Variants in CBFB observed in about 807,000 individuals in gnomAD.
CBFB encodes core-binding factor subunit beta, also known as CBF-beta.
CBFB carries 9 observed loss-of-function variants against 30.4 expected under a neutral mutation model. That is an observed-to-expected ratio of 0.30 (90% CI 0.18 to 0.52). The LOEUF is 0.52. CBFB is among the 20% of genes least tolerant of loss of function. The pLI is 0.97. For missense variants in CBFB, 170 were observed against 244.0 expected (o/e 0.70, Z 2.02); for synonymous variants, 94 against 84.0 (o/e 1.12, Z -0.65).
intron 5 of CBFB, among the ~76,000 whole-genome samples, chr16:67,098,072 C>T (rs1011223661): frequency 5.9e-5 from 9 of 152,142 alleles, no homozygotes; most frequent in Non-Finnish European, 1.3e-4. Flanking sequence ...AAAGTTAAAT[C>T]CTCTTTTTCC....
intron 5 of CBFB, among the ~76,000 whole-genome samples, chr16:67,098,325 C>T (rs1332046920): frequency 1.3e-5 from 2 of 152,026 alleles, no homozygotes; most frequent in East Asian, 1.9e-4. Context: ...TTCATAGAGA[C>T]AGGGTTTCAC....
At chr16:67,098,114 TTTTG>T (rs369708538) in intron 5 of CBFB, among the ~76,000 whole-genome samples, 9,923 of 150,568 alleles carry the variant, frequency 0.066, 854 homozygotes, top group African/African-American at 0.2. Flanking sequence ...TTGTGGGGTT[TTTTG>T]TTTGTTTGTT....
At chr16:67,048,520 C>A (rs1966671006) in intron 3 of CBFB, among the ~76,000 whole-genome samples, 1 of 152,088 alleles carries the variant, frequency 6.6e-6, no homozygotes, top group Admixed American at 6.6e-5. Context: ...AAGTCAGCAT[C>A]TTAATTCACC....
chr16:67,048,119 G>C (rs1183095251), intron 3 of CBFB, among the ~76,000 whole-genome samples: 2 of 151,968 alleles, frequency 1.3e-5, no homozygotes, highest in African/African-American at 2.4e-5. Flanking sequence ...GCATGCCTCT[G>C]GTTCCAGCTA....
intron 3 of CBFB, among the ~76,000 whole-genome samples, chr16:67,060,997 GATA>G (rs1449834805): frequency 6.6e-6 from 1 of 152,182 alleles, no homozygotes. Context: ...TTGTATGGGT[GATA>G]CCACAGTTGA....
chr16:67,075,786 C>A (rs929533867), intron 4 of CBFB, among the ~76,000 whole-genome samples: 1 of 152,188 alleles, frequency 6.6e-6, no homozygotes, highest in Non-Finnish European at 1.5e-5. Flanking sequence ...ACAACTAACA[C>A]CAATATGTGT....
At chr16:67,096,035 A>G (rs1201511928) in intron 5 of CBFB, among the ~76,000 whole-genome samples, 1 of 150,048 alleles carries the variant, frequency 6.7e-6, no homozygotes, top group Non-Finnish European at 1.5e-5. Context: ...TCAGCTGGGC[A>G]TGGTGGCTCA....
intron 5 of CBFB, among the ~76,000 whole-genome samples, chr16:67,097,975 A>G (rs941994761): frequency 6.6e-6 from 1 of 152,238 alleles, no homozygotes; most frequent in African/African-American, 2.4e-5. Flanking sequence ...AGTACTTACA[A>G]CAGTGCCCGC....
intron 3 of CBFB, among the ~76,000 whole-genome samples, chr16:67,042,787 G>A (rs376659435): frequency 6.6e-6 from 1 of 152,100 alleles, no homozygotes; most frequent in East Asian, 1.9e-4. Context: ...ATCCAGGCTG[G>A]AGTGCAGTGG....
intron 3 of CBFB, among the ~76,000 whole-genome samples, chr16:67,049,972 T>G (rs897835456): frequency 6.6e-5 from 10 of 152,050 alleles, no homozygotes; most frequent in Admixed American, 5.9e-4. Flanking sequence ...TCGTATTATC[T>G]GTTTCCTGGT....
intron 3 of CBFB, among the ~76,000 whole-genome samples, chr16:67,045,874 C>CA (rs1293988163): frequency 1.3e-5 from 2 of 150,934 alleles, no homozygotes; most frequent in African/African-American, 4.9e-5. Flanking sequence ...TGGCTCACTG[C>CA]AACCTCCGCC....
At position 67,097,535 on chromosome 16, in the gene CBFB, A is replaced by G. The variant is rs569386789; in HGVS notation, c.496-1175A>G. Among the ~76,000 whole-genome samples, 45 of 151,064 alleles carry G rather than the reference A, an allele frequency of 3.0e-4. No individual in the cohort carries two copies. The South Asian group carries it at 9.5e-3, about 32-fold the overall frequency. The stretch of plus-strand genomic sequence containing the variant: ...ACTCCAGCCTGGGCAACAAGAGTGA[A>G]ACTCCGTCTCAAAAAAAAAAAAAAA... On this transcript the variant is annotated intron_variant, in intron 5 of 5. Coordinates refer to ENST00000412916, the MANE Select transcript of CBFB (RefSeq NM_022845.3).
chr16:67,044,585 A>G (rs1361572325), intron 3 of CBFB, among the ~76,000 whole-genome samples: 1 of 152,224 alleles, frequency 6.6e-6, no homozygotes, highest in East Asian at 1.9e-4. Context: ...TGAGCATAAA[A>G]TAAAGCAAAA....
chr16:67,091,130 GGAA>G (rs1961867758), intron 5 of CBFB, among the ~76,000 whole-genome samples: 1 of 152,124 alleles, frequency 6.6e-6, no homozygotes. Context: ...AATGAGAATC[GGAA>G]GAAGATTAAT....
chr16:67,029,597 A>AGGGGCAATCTCGCCGGGGC (rs1479285003), intron 1 of CBFB, 112 bp downstream of exon 1: 26 of 1,314,774 alleles, frequency 2.0e-5, no homozygotes, highest in Non-Finnish European at 2.2e-5. Context: ...GCGCCCGCGG[A>AGGGGCAATCTCGCCGGGGC]GGGGCAATCT....
chr16:67,066,956 ATCCTGATT>A (rs906117616), intron 4 of CBFB, 158 bp downstream of exon 4: 1 of 467,530 alleles, frequency 2.1e-6, no homozygotes, highest in Non-Finnish European at 4.0e-6. Flanking sequence ...TCAAATTCTG[ATCCTGATT>A]TTGGGAAAGT....
rs368748767 is a variant in CBFB, at chr16:67,084,165, C to CAAAAAA, written c.495+1876_495+1881dup. 1.9e-3 allele frequency among the ~76,000 whole-genome samples: 105 copies of CAAAAAA among 54,320 alleles called. 5 individuals carry two copies. The highest frequency in any genetic ancestry group is 7.6e-3 in the African/African-American group (103 of 13,470). 35.6% of individuals were successfully genotyped at this position (54,320 alleles called of 152,430 possible). A position where few individuals can be genotyped will look rare whatever the true frequency, so the allele number is the denominator to read the frequency against. On this transcript the variant is annotated intron_variant, in intron 5 of 5. Coordinates refer to ENST00000412916, the MANE Select transcript of CBFB (RefSeq NM_022845.3). The stretch of plus-strand genomic sequence containing the variant: ...TGGATGACAGAGCAGGACCCTACCT[C>CAAAAAA]AAAAAAAAAAAAAAAAAAAAAAAAG...
chr16:67,064,514 T>C, intron 3 of CBFB, among the ~76,000 whole-genome samples: 1 of 152,160 alleles, frequency 6.6e-6, no homozygotes, highest in East Asian at 1.9e-4. Context: ...CCTAAAATTA[T>C]GTTTTTAAAA....
intron 4 of CBFB, among the ~76,000 whole-genome samples, chr16:67,069,226 C>T (rs1019566632): frequency 4.0e-5 from 6 of 151,554 alleles, no homozygotes; most frequent in African/African-American, 1.5e-4. Flanking sequence ...AAAAAAACGC[C>T]GAGTGTTGTG....
Sources: gnomAD v4.1 joint callset for allele counts (sites outside exome capture counted in the v4.1 genomes callset) on GRCh38, gnomAD v4.1.1 for gene constraint, MANE v1.5 for transcripts, NCBI Gene and HGNC (gene_info 2026-07-23, HGNC 2026-07-21) for gene names.